ROBO1: variants seen among roughly 807,000 people sequenced by gnomAD.
The protein encoded by ROBO1 is roundabout homolog 1.
ROBO1 carries 149 observed loss-of-function variants against 195.9 expected under a neutral mutation model. The ratio of observed to expected loss-of-function variants is 0.76; its 90% CI spans 0.67 to 0.87. ROBO1 has a LOEUF of 0.87. ROBO1 is among the 40% of genes least tolerant of loss of function. The pLI is 0.00. For synonymous variants in ROBO1, 816 were observed against 733.2 expected, an observed-to-expected ratio of 1.11 and a Z score of -1.82; for missense variants, 1,933 against 2,068.3, an observed-to-expected ratio of 0.93 and a Z score of 1.27.
At chr3:79,663,495 C>G (rs1411375006) in intron 1 of ROBO1, among the ~76,000 whole-genome samples, 1 of 151,978 alleles carries the variant, frequency 6.6e-6, no homozygotes, top group Non-Finnish European at 1.5e-5. Context: ...TCATCTGCCA[C>G]TACCAATTCT....
At chr3:79,449,168 G>A (rs951878748) in intron 2 of ROBO1, among the ~76,000 whole-genome samples, 2 of 151,996 alleles carry the variant, frequency 1.3e-5, no homozygotes, top group South Asian at 4.1e-4. Context: ...GGTTGTTGAA[G>A]TTTTAGTGAG....
chr3:78,997,718 C>T (rs1254869580), intron 3 of ROBO1, among the ~76,000 whole-genome samples: 1 of 152,116 alleles, frequency 6.6e-6, no homozygotes, highest in African/African-American at 2.4e-5. Context: ...CTCACCTAGA[C>T]TTGAAGAATT....
intron 2 of ROBO1, among the ~76,000 whole-genome samples, chr3:79,323,773 T>G (rs2034090147): frequency 6.6e-6 from 1 of 152,194 alleles, no homozygotes; most frequent in Non-Finnish European, 1.5e-5. Flanking sequence ...TTTCCTTCCA[T>G]TAGGAAAGCC....
At chr3:79,401,633 T>A (rs2037369765) in intron 2 of ROBO1, among the ~76,000 whole-genome samples, 2 of 151,834 alleles carry the variant, frequency 1.3e-5, no homozygotes, top group Non-Finnish European at 2.9e-5. Context: ...TATGTATTCG[T>A]AAACACAAAT....
intron 19 of ROBO1, among the ~76,000 whole-genome samples, chr3:78,649,501 T>C (rs999481565): frequency 2.6e-5 from 4 of 152,190 alleles, no homozygotes; most frequent in Admixed American, 6.5e-5. Context: ...TTAAATATGC[T>C]CACTGTTCCC....
At chr3:79,008,023 G>A (rs371652155) in intron 3 of ROBO1, among the ~76,000 whole-genome samples, 7 of 152,226 alleles carry the variant, frequency 4.6e-5, no homozygotes, top group South Asian at 2.1e-4. Context: ...ACTCCTAAAC[G>A]CACCTCTCAA....
chr3:78,898,391 T>A (rs1460358644), intron 4 of ROBO1, among the ~76,000 whole-genome samples: 2 of 136,922 alleles, frequency 1.5e-5, no homozygotes, highest in South Asian at 4.9e-4. Flanking sequence ...TTTTTTTTTT[T>A]TTTTTTTTTT....
chr3:78,854,826 CAACT>C (rs1469341818), intron 4 of ROBO1, among the ~76,000 whole-genome samples: 1 of 152,028 alleles, frequency 6.6e-6, no homozygotes, highest in Non-Finnish European at 1.5e-5. Context: ...TCACATATTT[CAACT>C]AACTTTTATA....
At chr3:78,772,342 C>T (rs1171303608) in intron 4 of ROBO1, among the ~76,000 whole-genome samples, 1 of 152,014 alleles carries the variant, frequency 6.6e-6, no homozygotes, top group Non-Finnish European at 1.5e-5. Context: ...ATTTGAGGAA[C>T]ATCATTGACA....
chr3:79,427,241 G>A (rs905552810), intron 2 of ROBO1, among the ~76,000 whole-genome samples: 23 of 152,084 alleles, frequency 1.5e-4, no homozygotes, highest in African/African-American at 5.6e-4. Context: ...AACAACTATT[G>A]TACGCACATC....
intron 4 of ROBO1, among the ~76,000 whole-genome samples, chr3:78,803,789 GA>G (rs551168769): frequency 2.0e-5 from 3 of 149,614 alleles, no homozygotes; most frequent in South Asian, 2.1e-4. Flanking sequence ...AGCTTCTTTT[GA>G]AAAAAAAAGC....
At chr3:79,503,070 C>CTTTG (rs1940191932) in intron 2 of ROBO1, among the ~76,000 whole-genome samples, 1 of 152,150 alleles carries the variant, frequency 6.6e-6, no homozygotes, top group East Asian at 1.9e-4. Context: ...ACTGTGAAAG[C>CTTTG]TTTGTTCTTT....
chr3:79,411,430 ACC>A (rs1441797552), intron 2 of ROBO1, among the ~76,000 whole-genome samples: 2 of 151,944 alleles, frequency 1.3e-5, no homozygotes, highest in Admixed American at 1.3e-4. Context: ...TTTATCAACC[ACC>A]AATTGTAAAG....
At chr3:79,240,772 C>A (rs1467688151) in intron 2 of ROBO1, among the ~76,000 whole-genome samples, 1 of 152,000 alleles carries the variant, frequency 6.6e-6, no homozygotes, top group African/African-American at 2.4e-5. Context: ...TCAGCCTCAG[C>A]CTGGGACTAC....
chr3:79,697,127 C>A (rs373495785), intron 1 of ROBO1, among the ~76,000 whole-genome samples: 4 of 151,410 alleles, frequency 2.6e-5, no homozygotes, highest in Admixed American at 6.6e-5. Context: ...GTATGGACTA[C>A]CCAGCCAGTA....
intron 3 of ROBO1, among the ~76,000 whole-genome samples, chr3:78,946,675 T>G (rs2040463466): frequency 6.6e-6 from 1 of 152,110 alleles, no homozygotes. Flanking sequence ...CATAACAATA[T>G]TAACTTTAAA....
At chr3:79,390,897 T>C (rs2036923169) in intron 2 of ROBO1, among the ~76,000 whole-genome samples, 1 of 152,108 alleles carries the variant, frequency 6.6e-6, no homozygotes, top group Non-Finnish European at 1.5e-5. Context: ...AGCTGTGTTA[T>C]GAAGACCTAA....
At chr3:78,760,757 T>C (rs948492032) in intron 4 of ROBO1, among the ~76,000 whole-genome samples, 1 of 152,040 alleles carries the variant, frequency 6.6e-6, no homozygotes, top group Non-Finnish European at 1.5e-5. Flanking sequence ...TCCTCCAACC[T>C]CAGCCTCCCA....
intron 10 of ROBO1, among the ~76,000 whole-genome samples, chr3:78,680,266 G>C (rs2080862718): frequency 1.3e-5 from 2 of 152,122 alleles, no homozygotes; most frequent in African/African-American, 2.4e-5. Flanking sequence ...CAGGACATAG[G>C]CATGGGCAAG....
Sources: allele counts gnomAD v4.1 joint callset (sites outside exome capture counted in the v4.1 genomes callset), GRCh38; gene constraint gnomAD v4.1.1; transcripts MANE v1.5; gene names NCBI Gene and HGNC (gene_info 2026-07-23, HGNC 2026-07-21).